Variants in EEFSEC observed in about 807,000 individuals in gnomAD.
EEFSEC encodes selenocysteine-specific elongation factor.
A neutral mutation model predicts 42.1 loss-of-function variants in EEFSEC; 43 were observed. The observed-to-expected ratio is 1.02, with a 90% confidence interval of 0.80 to 1.32. The LOEUF is 1.32. Among genes scored for constraint, EEFSEC ranks in the 40% most tolerant of loss-of-function variants. The pLI is 0.00. For synonymous variants in EEFSEC, 354 were observed against 339.1 expected (o/e 1.04, Z -0.48); for missense variants, 745 against 803.6 (o/e 0.93, Z 0.88).
At chr3:128,173,156 A>G (rs969241802) in intron 1 of EEFSEC, among the ~76,000 whole-genome samples, 1 of 152,202 alleles carries the variant, frequency 6.6e-6, no homozygotes, top group East Asian at 1.9e-4. Context: ...GGGTAGGAAA[A>G]GAAGGGTTTT....
intron 4 of EEFSEC, among the ~76,000 whole-genome samples, chr3:128,281,172 A>C (rs2811386): frequency 0.84 from 127,365 of 152,224 alleles, 53,769 homozygotes; most frequent in East Asian, 0.99. Flanking sequence ...GGTCCAGAGA[A>C]GTTAAGTCAC....
chr3:128,397,888 G>A (rs2068000717), intron 6 of EEFSEC, among the ~76,000 whole-genome samples: 1 of 152,230 alleles, frequency 6.6e-6, no homozygotes, highest in East Asian at 1.9e-4. Flanking sequence ...CAGGCTCACT[G>A]CCTGCAGGGA....
At chr3:128,399,373 G>A (rs955512031) in intron 6 of EEFSEC, among the ~76,000 whole-genome samples, 5 of 152,238 alleles carry the variant, frequency 3.3e-5, no homozygotes, top group African/African-American at 9.6e-5. Context: ...AGGGGTGCAT[G>A]AGCCCGTCGA....
At chr3:128,270,666 T>C (rs1337431431) in intron 4 of EEFSEC, among the ~76,000 whole-genome samples, 1 of 152,254 alleles carries the variant, frequency 6.6e-6, no homozygotes, top group African/African-American at 2.4e-5. Flanking sequence ...TCCATTTTCT[T>C]GCCCAAACAA....
intron 6 of EEFSEC, 149 bp downstream of exon 6, chr3:128,358,522 G>A (rs1253091284): frequency 3.5e-6 from 4 of 1,157,284 alleles, no homozygotes; most frequent in Non-Finnish European, 4.8e-6. Flanking sequence ...TGGCAGCATG[G>A]CCTCTGGCTG....
chr3:128,276,867 A>T (rs994714456), intron 4 of EEFSEC, among the ~76,000 whole-genome samples: 2 of 152,154 alleles, frequency 1.3e-5, no homozygotes. Context: ...CTGGGAGAAG[A>T]GTGTGGGAAT....
intron 1 of EEFSEC, among the ~76,000 whole-genome samples, chr3:128,213,172 A>T (rs1051470351): frequency 4.6e-5 from 7 of 152,228 alleles, no homozygotes; most frequent in African/African-American, 1.4e-4. Flanking sequence ...GGGTTGTGGC[A>T]GTTGCTGCAT....
intron 4 of EEFSEC, among the ~76,000 whole-genome samples, chr3:128,324,960 C>G (rs189583097): frequency 6.6e-6 from 1 of 152,356 alleles, no homozygotes; most frequent in African/African-American, 2.4e-5. Flanking sequence ...CCGTCCCAGA[C>G]AGACTGTACC....
chr3:128,245,317 G>A (rs2066115990), intron 1 of EEFSEC, among the ~76,000 whole-genome samples: 1 of 152,180 alleles, frequency 6.6e-6, no homozygotes, highest in African/African-American at 2.4e-5. Flanking sequence ...CAGATGAGTC[G>A]AGCCTGTTTT....
At position 128,208,253 on chromosome 3, in the gene EEFSEC, C is replaced by T. The variant is rs553294291; in HGVS notation, c.317-38583C>T. 7.2e-5 allele frequency among the ~76,000 whole-genome samples: 11 copies of T among 152,332 alleles called. 1 individual carries two copies. In the South Asian group the frequency reaches 2.1e-3, roughly 29 times the overall value. Reference sequence around the variant, plus strand: ...AAGCCTCTTTGGTCCTGTTAGCACACTAAGAGTTTTTTGTTGCGGATTTCA... The same window carrying T: ...AAGCCTCTTTGGTCCTGTTAGCACATTAAGAGTTTTTTGTTGCGGATTTCA... On this transcript the variant is annotated intron_variant, in intron 1 of 6. Coordinates refer to ENST00000254730, the MANE Select transcript of EEFSEC (RefSeq NM_021937.5).
intron 1 of EEFSEC, among the ~76,000 whole-genome samples, chr3:128,212,157 A>C (rs1411615025): frequency 6.6e-6 from 1 of 152,206 alleles, no homozygotes; most frequent in Non-Finnish European, 1.5e-5. Flanking sequence ...CACTGCGCCC[A>C]GCCAGAAATA....
intron 4 of EEFSEC, among the ~76,000 whole-genome samples, chr3:128,286,111 G>A (rs1328676990): frequency 2.0e-5 from 3 of 152,224 alleles, no homozygotes; most frequent in African/African-American, 7.2e-5. Context: ...TCAGCACTAT[G>A]ATTTTCAGGT....
At chr3:128,217,303 A>G (rs1477385208) in intron 1 of EEFSEC, among the ~76,000 whole-genome samples, 1 of 152,050 alleles carries the variant, frequency 6.6e-6, no homozygotes, top group East Asian at 1.9e-4. Flanking sequence ...GGATGAAGGG[A>G]CACCTAGCCT....
chr3:128,197,642 A>G (rs1353066808), intron 1 of EEFSEC, among the ~76,000 whole-genome samples: 1 of 152,144 alleles, frequency 6.6e-6, no homozygotes, highest in Non-Finnish European at 1.5e-5. Context: ...CACTCCCACC[A>G]TTAACGGTAC....
chr3:128,275,623 G>A (rs2066459971), intron 4 of EEFSEC, among the ~76,000 whole-genome samples: 2 of 152,254 alleles, frequency 1.3e-5, no homozygotes, highest in African/African-American at 4.8e-5. Context: ...TGTGGTGGGG[G>A]CACTGGAAGG....
intron 6 of EEFSEC, among the ~76,000 whole-genome samples, chr3:128,391,804 G>A (rs954178632): frequency 1.3e-5 from 2 of 152,234 alleles, no homozygotes; most frequent in Non-Finnish European, 2.9e-5. Flanking sequence ...CTGGGACAGT[G>A]CCTGGTGCCC....
chr3:128,235,654 A>G (rs1456677364), intron 1 of EEFSEC, among the ~76,000 whole-genome samples: 1 of 152,242 alleles, frequency 6.6e-6, no homozygotes, highest in African/African-American at 2.4e-5. Flanking sequence ...AGCTCTATTC[A>G]GTGAATAGTT....
intron 6 of EEFSEC, among the ~76,000 whole-genome samples, chr3:128,388,789 T>TG (rs1163920857): frequency 6.6e-6 from 1 of 152,212 alleles, no homozygotes; most frequent in Non-Finnish European, 1.5e-5. Context: ...GGGTGTTTTT[T>TG]GAAACTCAGT....
At chr3:128,373,001 C>A (rs1465803322) in intron 6 of EEFSEC, among the ~76,000 whole-genome samples, 2 of 152,208 alleles carry the variant, frequency 1.3e-5, no homozygotes, top group East Asian at 3.8e-4. Flanking sequence ...GGAGTAATAA[C>A]AATAACACCT....
Sources: allele counts gnomAD v4.1 joint callset (sites outside exome capture counted in the v4.1 genomes callset), GRCh38; gene constraint gnomAD v4.1.1; transcripts MANE v1.5; gene names NCBI Gene and HGNC (gene_info 2026-07-23, HGNC 2026-07-21).